Variants in STAG1 observed in about 807,000 individuals in gnomAD.
STAG1 encodes cohesin subunit SA-1.
STAG1 carries 26 observed loss-of-function variants against 170.9 expected under a neutral mutation model. The ratio of observed to expected loss-of-function variants is 0.15; its 90% CI spans 0.11 to 0.21. STAG1 has a LOEUF of 0.21. Among genes scored for constraint, STAG1 ranks in the 10% least tolerant of loss-of-function variants. The pLI is 1.00. For synonymous variants in STAG1, 514 were observed against 497.7 expected (o/e 1.03, Z -0.44); for missense variants, 964 against 1,509.5 (o/e 0.64, Z 5.99).
At chr3:136,467,222 T>C (rs1020136964) in intron 12 of STAG1, among the ~76,000 whole-genome samples, 15 of 152,018 alleles carry the variant, frequency 9.9e-5, no homozygotes, top group African/African-American at 3.6e-4. Context: ...GCAAATTGGA[T>C]AAAGAGTCAA....
chr3:136,545,485 G>A (rs1936116221), intron 5 of STAG1, among the ~76,000 whole-genome samples: 1 of 152,146 alleles, frequency 6.6e-6, no homozygotes, highest in Non-Finnish European at 1.5e-5. Flanking sequence ...GAGAAGAAAT[G>A]TTGAGTCTAC....
In STAG1 at chr3:136,461,505, G is replaced by A. The variant is rs2089272824; in HGVS notation, c.1313+3376C>T. 2.0e-5 allele frequency among the ~76,000 whole-genome samples: 3 copies of A among 150,964 alleles called. No homozygotes were observed. In the South Asian group the frequency reaches 6.2e-4, roughly 31 times the overall value. ...TACAAAATCAACATAAAAATCAGTA[G>A]CATTCTTGTACAGCAAAAGTGAACA... is the stretch of plus-strand genomic sequence containing the variant. On this transcript the variant is annotated intron_variant, in intron 13 of 33. Transcript: ENST00000383202.
chr3:136,429,261 G>C (rs2088223639), intron 16 of STAG1, among the ~76,000 whole-genome samples: 1 of 152,126 alleles, frequency 6.6e-6, no homozygotes, highest in Non-Finnish European at 1.5e-5. Context: ...ACAAAAACTA[G>C]CTGGCCCTGG....
intron 5 of STAG1, among the ~76,000 whole-genome samples, chr3:136,563,570 C>T (rs1042832971): frequency 6.7e-6 from 1 of 150,028 alleles, no homozygotes; most frequent in Non-Finnish European, 1.5e-5. Flanking sequence ...TTTAGGTAAC[C>T]AATCTCGTTA....
At chr3:136,749,606 C>T (rs1935124264) in intron 1 of STAG1, among the ~76,000 whole-genome samples, 1 of 151,928 alleles carries the variant, frequency 6.6e-6, no homozygotes. Context: ...ATTAGGTGGG[C>T]ATGGTGGCAC....
At chr3:136,640,322 G>T (rs1371429487) in intron 1 of STAG1, among the ~76,000 whole-genome samples, 1 of 151,620 alleles carries the variant, frequency 6.6e-6, no homozygotes, top group Non-Finnish European at 1.5e-5. Flanking sequence ...TCCAAAGAGA[G>T]CTATTTGTGA....
chr3:136,712,502 T>C (rs1485466856), intron 1 of STAG1, among the ~76,000 whole-genome samples: 3 of 152,000 alleles, frequency 2.0e-5, no homozygotes. Flanking sequence ...ATGAGAACAA[T>C]CACTTCACAG....
At chr3:136,666,677 A>G (rs9877786) in intron 1 of STAG1, among the ~76,000 whole-genome samples, 55,425 of 151,912 alleles carry the variant, frequency 0.36, 11,162 homozygotes, top group African/African-American at 0.53. Flanking sequence ...AAAATTAGCA[A>G]GGCATGGTGG....
chr3:136,357,761 A>G lies in STAG1; in HGVS notation c.3024T>C (p.Ser1008=), dbSNP rs1436825752. Residue 1008 remains serine (S), a synonymous_variant, in exon 28 of 34, where the codon AGT becomes AGC. Transcript: ENST00000383202. The part of the protein sequence containing the change: ...PPNLAFLEVL[S]EFSSKLLRQD... ...GTCGAAGAAGTTTAGAAGAAAATTC[A>G]CTTAGTACTTCAAGAAAAGCCAGAT... 3 of 1,607,106 alleles carry G rather than the reference A, an allele frequency of 1.9e-6. No homozygotes were observed. The African/African-American group carries it at 4.0e-5, about 22-fold the overall frequency.
chr3:136,722,789 C>T (rs1003502203), intron 1 of STAG1, among the ~76,000 whole-genome samples: 15 of 152,170 alleles, frequency 9.9e-5, no homozygotes, highest in African/African-American at 3.1e-4. Flanking sequence ...TGCAGCCTCC[C>T]TGCCTGATTC....
At chr3:136,469,734 A>G (rs1018948507) in intron 12 of STAG1, among the ~76,000 whole-genome samples, 1 of 152,218 alleles carries the variant, frequency 6.6e-6, no homozygotes, top group African/African-American at 2.4e-5. Flanking sequence ...ACTTCAAACT[A>G]TACTACAAGG....
At chr3:136,514,002 A>G (rs1276838881) in intron 7 of STAG1, among the ~76,000 whole-genome samples, 1 of 152,166 alleles carries the variant, frequency 6.6e-6, no homozygotes, top group Non-Finnish European at 1.5e-5. Context: ...ACAAGTACAC[A>G]TGACAAAGAA....
At chr3:136,430,035 C>G (rs2088251012) in intron 16 of STAG1, 1 of 152,108 alleles carries the variant, frequency 6.6e-6, no homozygotes, top group African/African-American at 2.4e-5. Context: ...TAGTTAAGTT[C>G]TGGGGGAATC....
intron 23 of STAG1, among the ~76,000 whole-genome samples, chr3:136,370,615 G>A (rs899654593): frequency 1.3e-5 from 2 of 152,138 alleles, no homozygotes; most frequent in African/African-American, 4.8e-5. Flanking sequence ...GCAGTGTTTG[G>A]TTTTTTGTCC....
At chr3:136,357,029 G>A (rs1936685378) in intron 28 of STAG1, among the ~76,000 whole-genome samples, 1 of 151,638 alleles carries the variant, frequency 6.6e-6, no homozygotes, top group Non-Finnish European at 1.5e-5. Context: ...CTCACTGCAA[G>A]CTCCGCCTCC....
chr3:136,533,598 C>T (rs1046497907), intron 6 of STAG1, among the ~76,000 whole-genome samples: 5 of 151,998 alleles, frequency 3.3e-5, no homozygotes, highest in Non-Finnish European at 5.9e-5. Context: ...GGCAGGGATG[C>T]CATACTTTAA....
chr3:136,558,841 C>T (rs1036349859), intron 5 of STAG1, among the ~76,000 whole-genome samples: 4 of 152,138 alleles, frequency 2.6e-5, no homozygotes, highest in Admixed American at 1.3e-4. Context: ...CCACTGTCTA[C>T]ATTACCCAAA....
At position 136,623,227 on chromosome 3, in the gene STAG1, A is replaced by G; in HGVS notation, c.51T>C (p.Thr17=). Residue 17 remains threonine (T), a synonymous_variant, in exon 3 of 34, where the codon ACT becomes ACC. Transcript: ENST00000383202. ...GCTCGCTGCCAGCATCGGAATGGGC[A>G]GTAGTTTCATTAGTTGAATCCCTAG... ...PVLQDSTNET[T]AHSDAGSELE... 6.2e-7 allele frequency: 1 copy of G among 1,613,454 alleles called. No homozygotes were observed. Among genetic ancestry groups the G allele is most frequent in the Non-Finnish European group, 8.5e-7 (1 of 1,179,566 alleles).
intron 1 of STAG1, among the ~76,000 whole-genome samples, chr3:136,684,306 G>A (rs972396379): frequency 2.0e-5 from 3 of 152,274 alleles, no homozygotes; most frequent in Non-Finnish European, 4.4e-5. Flanking sequence ...TAATCAAAAC[G>A]ATGTAGTGTT....
Sources: gnomAD v4.1 joint callset for allele counts (sites outside exome capture counted in the v4.1 genomes callset) on GRCh38, gnomAD v4.1.1 for gene constraint, MANE v1.5 for transcripts, NCBI Gene and HGNC (gene_info 2026-07-23, HGNC 2026-07-21) for gene names.